Variants in SUGP2 observed in about 807,000 individuals in gnomAD.
SUGP2 encodes SURP and G-patch domain containing 2, also known as SURP and G-patch domain-containing protein 2.
In SUGP2, 24 loss-of-function variants were observed where a neutral mutation model predicts 90.5. The observed-to-expected ratio is 0.27, with a 90% CI of 0.19 to 0.37. SUGP2 has a LOEUF of 0.37. Among genes scored for constraint, SUGP2 ranks in the 10% least tolerant of loss-of-function variants. SUGP2 has a pLI of 1.00. For synonymous variants in SUGP2, 473 were observed against 513.4 expected (o/e 0.92, Z 1.06); for missense variants, 1,233 against 1,363.3 (o/e 0.90, Z 1.51).
At chr19:19,009,751 C>T (rs1275986250) in intron 5 of SUGP2, 104 bp downstream of exon 5, 1 of 1,424,964 alleles carries the variant, frequency 7.0e-7, no homozygotes, top group Non-Finnish European at 9.4e-7. Context: ...AGCTTTTATC[C>T]ACTGCCTTGC....
At chr19:18,997,782 C>CAAAAAAAAAAAAAAAAA (rs35875282) in intron 8 of SUGP2, among the ~76,000 whole-genome samples, 1 of 88,272 alleles carries the variant, frequency 1.1e-5, no homozygotes, top group Non-Finnish European at 2.2e-5. Flanking sequence ...GACTCCGTCT[C>CAAAAAAAAAAAAAAAAA]AAAAAAAAAA....
In SUGP2 at chr19:19,033,508, A is replaced by C; in HGVS notation, c.-83T>G. 1 of 1,403,190 alleles carries C rather than the reference A, an allele frequency of 7.1e-7. No homozygotes were observed. The highest frequency in any genetic ancestry group is 1.4e-5 in the South Asian group (1 of 73,960). 86.9% of individuals were successfully genotyped at this position (1,403,190 alleles called of 1,614,324 possible). On this transcript the variant is annotated 5_prime_UTR_variant, in exon 1 of 11. Transcript: ENST00000452918. ...CCTCACCCGCCGCCGCCGCCGCGCG[A>C]GGCGGGGACATGCAAATGAACCAAC...
At chr19:18,994,798 T>C (rs936702019) in intron 9 of SUGP2, 1 of 525,636 alleles carries the variant, frequency 1.9e-6, no homozygotes, top group African/African-American at 1.9e-5. Context: ...TTTGGGCCTG[T>C]GTTCGGGACC....
At chr19:19,010,469 G>T (rs2145488140) in intron 4 of SUGP2, 127 bp from the exon 5 acceptor site, 2 of 1,330,696 alleles carry the variant, frequency 1.5e-6, no homozygotes, top group South Asian at 1.3e-5. Context: ...CAGAGGCTCT[G>T]CCTGGCTCTA....
At chr19:19,014,068 A>G (rs1340822718) in intron 4 of SUGP2, among the ~76,000 whole-genome samples, 2 of 152,166 alleles carry the variant, frequency 1.3e-5, no homozygotes, top group East Asian at 3.8e-4. Context: ...ATCTCAGCTC[A>G]CTGCAACCTC....
intron 1 of SUGP2, chr19:19,033,085 G>A (rs929114142): frequency 6.4e-6 from 1 of 155,058 alleles, no homozygotes; most frequent in African/African-American, 2.4e-5. Context: ...CTGGTGTGGG[G>A]GCTGAACCGG....
chr19:19,024,682 C>T lies in SUGP2; in HGVS notation c.1666G>A (p.Glu556Lys), dbSNP rs201376561. The T allele has an allele frequency of 3.1e-4, 503 of 1,614,128 alleles. 3 individuals are homozygous for T. Among genetic ancestry groups the T allele is most frequent in the Non-Finnish European group, 3.5e-5 (41 of 1,179,990 alleles). The change falls in exon 3 of 11, where the codon GAG (glutamate) becomes AAG (lysine). Residue 556 changes from glutamate to lysine, a missense_variant. This residue lies in a region of SUGP2 where 540 missense variants were observed against 542.6 expected (regional missense o/e 1.00). Coordinates refer to ENST00000452918, the MANE Select transcript of SUGP2 (RefSeq NM_001017392.5). The part of the protein sequence containing the change: ...KAEPEPMREE[E>K]KMIPPTKPEI... ...GGTTTCGTAGGAGGAATCATTTTCT[C>T]CTCCTCTCGCATCGGCTCTGGTTCG... is the stretch of plus-strand genomic sequence containing the variant.
chr19:18,996,231 T>A (rs1270056875), intron 8 of SUGP2, among the ~76,000 whole-genome samples: 2 of 152,098 alleles, frequency 1.3e-5, no homozygotes, highest in Non-Finnish European at 2.9e-5. Flanking sequence ...ACCCCGTCTC[T>A]ACTAAAATAC....
At chr19:19,005,990 AG>A (rs1306195157) in intron 6 of SUGP2, among the ~76,000 whole-genome samples, 3 of 152,182 alleles carry the variant, frequency 2.0e-5, no homozygotes, top group African/African-American at 7.2e-5. Flanking sequence ...ACATTTTGGG[AG>A]GCTGAGGCAG....
At chr19:19,011,374 T>C (rs1193350927) in intron 4 of SUGP2, among the ~76,000 whole-genome samples, 1 of 151,840 alleles carries the variant, frequency 6.6e-6, no homozygotes, top group African/African-American at 2.4e-5. Context: ...TCTCAAACTC[T>C]TGGGCTCAAG....
At chr19:19,009,252 G>A (rs1368712542) in intron 5 of SUGP2, among the ~76,000 whole-genome samples, 1 of 152,122 alleles carries the variant, frequency 6.6e-6, no homozygotes, top group African/African-American at 2.4e-5. Context: ...AACGGCTCAC[G>A]ACACAGCAAC....
chr19:19,007,755 C>CTTTTTTTTTT lies in SUGP2; in HGVS notation c.2450+552_2450+561dup, dbSNP rs34670209. The stretch of plus-strand genomic sequence containing the variant: ...ACAAGCATGAGCCATTGCACCTAGC[C>CTTTTTTTTTT]TTTTTTTTTTTTTTTTTTTTTGGAG... On this transcript the variant is annotated intron_variant, in intron 6 of 10. Transcript: ENST00000452918. Among the ~76,000 whole-genome samples the CTTTTTTTTTT allele has an allele frequency of 2.6e-5, 3 of 113,406 alleles. 1 individual carries two copies. Among genetic ancestry groups the CTTTTTTTTTT allele is most frequent in the Non-Finnish European group, 1.8e-5 (1 of 55,482 alleles). The allele number at this position is 113,406 out of a possible 152,430, so 74.4% of individuals were successfully genotyped here.
chr19:19,026,827 T>C (rs1017012018), intron 2 of SUGP2, among the ~76,000 whole-genome samples: 5 of 151,726 alleles, frequency 3.3e-5, no homozygotes, highest in African/African-American at 1.2e-4. Context: ...GCTGAACCCA[T>C]CCCTCGGAAA....
At chr19:18,994,971 AAAC>A (rs1386945414) in intron 9 of SUGP2, 170 bp downstream of exon 9, 8 of 763,474 alleles carry the variant, frequency 1.0e-5, no homozygotes, top group Admixed American at 2.5e-5. Context: ...GGAGCCCTGT[AAAC>A]ACCTGCACAT....
At chr19:19,027,612 G>A (rs908829202) in intron 2 of SUGP2, among the ~76,000 whole-genome samples, 2 of 152,180 alleles carry the variant, frequency 1.3e-5, no homozygotes, top group Non-Finnish European at 2.9e-5. Flanking sequence ...AGTCAAGGAG[G>A]GTAGCTCTGA....
chr19:19,008,415 T>C lies in SUGP2; in HGVS notation c.2352A>G (p.Thr784=). 1.2e-6 allele frequency: 2 copies of C among 1,614,010 alleles called. No homozygotes were observed. The highest frequency in any genetic ancestry group is 8.5e-7 in the Non-Finnish European group (1 of 1,179,862). Residue 784 remains threonine, a synonymous_variant, in exon 6 of 11, where the codon ACA becomes ACG. Transcript: ENST00000452918. ...PCPSADIDMK[T]METAEKLARF... is the part of the protein sequence containing the mutation. The stretch of plus-strand genomic sequence containing the variant: ...TAGCCAGTTTCTCTGCAGTCTCCAT[T>C]GTCTTCATGTCAACTACAAAACATA...
upstream of SUGP2, chr19:19,033,600 G>A (rs1417687209): frequency 1.4e-5 from 16 of 1,182,422 alleles, no homozygotes; most frequent in East Asian, 4.9e-4. Flanking sequence ...GGCGCGGGCC[G>A]CCGCGGCCCG....
chr19:19,009,620 C>T (rs1448606157), intron 5 of SUGP2, among the ~76,000 whole-genome samples: 2 of 152,334 alleles, frequency 1.3e-5, no homozygotes, highest in East Asian at 1.9e-4. Flanking sequence ...CATGGGGCAG[C>T]ACCTCATACC....
intron 7 of SUGP2, among the ~76,000 whole-genome samples, chr19:19,002,900 C>T (rs1161940843): frequency 2.0e-5 from 3 of 152,120 alleles, no homozygotes; most frequent in Non-Finnish European, 4.4e-5. Context: ...CCAAGAAGAG[C>T]ATACATAACA....
Sources: allele counts gnomAD v4.1 joint callset (sites outside exome capture counted in the v4.1 genomes callset), GRCh38; gene constraint gnomAD v4.1.1; regional missense constraint gnomAD v4.1.1; transcripts MANE v1.5; gene names NCBI Gene and HGNC (gene_info 2026-07-23, HGNC 2026-07-21).